Variants in ULK4 observed in about 807,000 individuals in gnomAD.
ULK4 encodes inactive serine/threonine-protein kinase ULK4.
A neutral mutation model predicts 160.6 loss-of-function variants in ULK4; 133 were observed. The observed-to-expected ratio is 0.83, with a 90% CI of 0.72 to 0.96. The LOEUF (loss-of-function observed/expected upper bound fraction) is 0.96, where lower values mean the gene tolerates loss of function less well. Ranked by LOEUF, ULK4 falls within the 40% of genes least tolerant of loss-of-function variation. The pLI is 0.00. For missense variants in ULK4, 1,580 were observed against 1,499.5 expected, an observed-to-expected ratio of 1.05 and a Z score of -0.89; for synonymous variants, 534 against 539.8, an observed-to-expected ratio of 0.99 and a Z score of 0.15.
chr3:41,544,060 T>G (rs1288151174), intron 32 of ULK4, among the ~76,000 whole-genome samples: 4 of 152,212 alleles, frequency 2.6e-5, no homozygotes, highest in Non-Finnish European at 5.9e-5. Context: ...TTTTTTCCTG[T>G]GTATAGGCCG....
intron 30 of ULK4, among the ~76,000 whole-genome samples, chr3:41,650,744 C>G (rs1374241131): frequency 1.3e-5 from 2 of 152,200 alleles, no homozygotes; most frequent in Non-Finnish European, 2.9e-5. Context: ...GCGAAGGCGC[C>G]AGCAGCCACA....
chr3:41,886,484 G>T (rs1478440924), intron 16 of ULK4, among the ~76,000 whole-genome samples: 5 of 152,106 alleles, frequency 3.3e-5, no homozygotes, highest in Admixed American at 3.3e-4. Context: ...GATTTCCAAT[G>T]TAAATCTCAG....
intron 30 of ULK4, among the ~76,000 whole-genome samples, chr3:41,636,217 T>C (rs2033944578): frequency 6.6e-6 from 1 of 152,194 alleles, no homozygotes; most frequent in South Asian, 2.1e-4. Context: ...CAACACTGTC[T>C]GGTCCATAAA....
chr3:41,344,199 A>C (rs189746423), intron 35 of ULK4, among the ~76,000 whole-genome samples: 285 of 152,340 alleles, frequency 1.9e-3, no homozygotes, highest in African/African-American at 6.6e-3. Flanking sequence ...GATCTTCGAC[A>C]AACTTGACAA....
At chr3:41,616,493 A>AT (rs1320635902) in intron 30 of ULK4, among the ~76,000 whole-genome samples, 1 of 152,110 alleles carries the variant, frequency 6.6e-6, no homozygotes, top group Non-Finnish European at 1.5e-5. Context: ...CCACAGAGGG[A>AT]TAGCAGAAGC....
At chr3:41,315,495 T>G (rs1188981531) in intron 35 of ULK4, among the ~76,000 whole-genome samples, 1 of 152,198 alleles carries the variant, frequency 6.6e-6, no homozygotes, top group East Asian at 1.9e-4. Flanking sequence ...AAAAAACAAC[T>G]GTTCAATGCA....
At chr3:41,922,573 G>A (rs1440876144) in intron 5 of ULK4, among the ~76,000 whole-genome samples, 1 of 150,862 alleles carries the variant, frequency 6.6e-6, no homozygotes, top group Non-Finnish European at 1.5e-5. Context: ...GTGAAGACAG[G>A]GTGTTGCTGG....
chr3:41,287,861 A>G (rs1053543161), intron 35 of ULK4, among the ~76,000 whole-genome samples: 4 of 152,218 alleles, frequency 2.6e-5, no homozygotes, highest in African/African-American at 7.2e-5. Context: ...GTTTAGCCCA[A>G]TTAGTCTTAC....
intron 35 of ULK4, among the ~76,000 whole-genome samples, chr3:41,285,266 AT>A (rs1448439060): frequency 6.6e-6 from 1 of 152,262 alleles, no homozygotes; most frequent in Non-Finnish European, 1.5e-5. Flanking sequence ...ATAAGTCATT[AT>A]ATGAAAAAGA....
At chr3:41,842,010 C>A (rs957683549) in intron 17 of ULK4, among the ~76,000 whole-genome samples, 1 of 151,946 alleles carries the variant, frequency 6.6e-6, no homozygotes, top group Non-Finnish European at 1.5e-5. Flanking sequence ...CCAAAGGCCA[C>A]AGGGACCTCT....
chr3:41,806,339 A>G (rs942367920), intron 19 of ULK4, among the ~76,000 whole-genome samples: 5 of 151,902 alleles, frequency 3.3e-5, no homozygotes, highest in African/African-American at 4.8e-5. Context: ...TATCCCCTTT[A>G]TCACTTTTTA....
At chr3:41,391,795 A>AC (rs2081962626) in intron 35 of ULK4, among the ~76,000 whole-genome samples, 1 of 152,120 alleles carries the variant, frequency 6.6e-6, no homozygotes, top group Non-Finnish European at 1.5e-5. Flanking sequence ...CCACAGGGTA[A>AC]AGATTCTTCA....
At chr3:41,862,761 G>A (rs549591617) in intron 17 of ULK4, among the ~76,000 whole-genome samples, 16 of 140,950 alleles carry the variant, frequency 1.1e-4, no homozygotes, top group African/African-American at 4.2e-4. Flanking sequence ...GAGTCAGTCA[G>A]TCAGTCTCTC....
At chr3:41,794,660 CAAAA>C (rs71075484) in intron 20 of ULK4, among the ~76,000 whole-genome samples, 532 of 18,862 alleles carry the variant, frequency 0.028, 2 homozygotes, top group Non-Finnish European at 0.041. Context: ...GACTCTGTCT[CAAAA>C]AAAAAAAAAA....
At chr3:41,598,078 G>A (rs2031811386) in intron 31 of ULK4, among the ~76,000 whole-genome samples, 1 of 152,178 alleles carries the variant, frequency 6.6e-6, no homozygotes, top group Non-Finnish European at 1.5e-5. Flanking sequence ...CCCCTTGGGG[G>A]TGAGTGGACC....
intron 27 of ULK4, among the ~76,000 whole-genome samples, chr3:41,698,190 T>C (rs1384899302): frequency 6.6e-6 from 1 of 152,232 alleles, no homozygotes; most frequent in African/African-American, 2.4e-5. Flanking sequence ...CAAGGCATTT[T>C]TCAGAATGTA....
chr3:41,406,973 G>T (rs1248718053), intron 34 of ULK4, among the ~76,000 whole-genome samples: 1 of 152,262 alleles, frequency 6.6e-6, no homozygotes, highest in East Asian at 1.9e-4. Context: ...CTATGTGCAG[G>T]GAGGACAACA....
chr3:41,837,886 G>A (rs114759246), intron 17 of ULK4, among the ~76,000 whole-genome samples: 366 of 152,222 alleles, frequency 2.4e-3, no homozygotes, highest in African/African-American at 7.8e-3. Context: ...ATTGCTGAAC[G>A]TATTCTATTG....
At chr3:41,935,734 C>T (rs1575980065) in intron 4 of ULK4, 67 bp downstream of exon 4, 1 of 1,502,790 alleles carries the variant, frequency 6.7e-7, no homozygotes. Context: ...AAAATAACAA[C>T]ATCTTTGAGA....
Sources: allele counts gnomAD v4.1 joint callset (sites outside exome capture counted in the v4.1 genomes callset), GRCh38; gene constraint gnomAD v4.1.1; transcripts MANE v1.5; gene names NCBI Gene and HGNC (gene_info 2026-07-23, HGNC 2026-07-21).